SDK1: variants seen among roughly 807,000 people sequenced by gnomAD.
The protein encoded by SDK1 is sidekick cell adhesion molecule 1.
SDK1 carries 157 observed loss-of-function variants against 245.5 expected under a neutral mutation model. The observed-to-expected ratio is 0.64, with a 90% CI of 0.56 to 0.73. SDK1 has a LOEUF of 0.73. Among genes scored for constraint, SDK1 ranks in the 30% least tolerant of loss-of-function variants. The pLI is 0.00. For synonymous variants in SDK1, 1,647 were observed against 1,278.5 expected, an observed-to-expected ratio of 1.29 and a Z score of -6.15; for missense variants, 3,583 against 3,002.3, an observed-to-expected ratio of 1.19 and a Z score of -4.52.
At chr7:3,778,990 C>T (rs998057327) in intron 4 of SDK1, among the ~76,000 whole-genome samples, 1 of 152,182 alleles carries the variant, frequency 6.6e-6, no homozygotes, top group East Asian at 1.9e-4. Context: ...TCCATTGTAG[C>T]AGCAGCTTTT....
intron 32 of SDK1, among the ~76,000 whole-genome samples, chr7:4,167,279 A>G (rs1781556082): frequency 6.6e-6 from 1 of 152,080 alleles, no homozygotes; most frequent in Non-Finnish European, 1.5e-5. Context: ...AGTCCCAGCT[A>G]CTCAGGCTGA....
At chr7:4,219,790 C>A (rs1194478524) in intron 38 of SDK1, among the ~76,000 whole-genome samples, 1 of 148,508 alleles carries the variant, frequency 6.7e-6, no homozygotes, top group Non-Finnish European at 1.5e-5. Flanking sequence ...ATGGCAGGAC[C>A]GCCCCCCTTC....
At chr7:3,365,915 G>A (rs375450986) in intron 1 of SDK1, among the ~76,000 whole-genome samples, 9 of 152,042 alleles carry the variant, frequency 5.9e-5, no homozygotes, top group East Asian at 1.9e-4. Flanking sequence ...GGCGGGCACC[G>A]GTAATCCCAG....
At chr7:3,473,787 AG>A in intron 1 of SDK1, among the ~76,000 whole-genome samples, 1 of 152,248 alleles carries the variant, frequency 6.6e-6, no homozygotes, top group South Asian at 2.1e-4. Context: ...AATAATGTTC[AG>A]GGAGTGTGAT....
chr7:3,910,582 G>C (rs1298028882), intron 5 of SDK1, among the ~76,000 whole-genome samples: 1 of 152,132 alleles, frequency 6.6e-6, no homozygotes, highest in Admixed American at 6.5e-5. Flanking sequence ...GCTTTTACAG[G>C]CCTCTAAGAA....
chr7:3,843,243 T>A (rs1376619632), intron 5 of SDK1, among the ~76,000 whole-genome samples: 1 of 152,204 alleles, frequency 6.6e-6, no homozygotes, highest in East Asian at 1.9e-4. Context: ...CCTCAACTGT[T>A]TGTAAACTTA....
At chr7:4,078,736 T>C (rs1033781948) in intron 21 of SDK1, among the ~76,000 whole-genome samples, 3 of 152,156 alleles carry the variant, frequency 2.0e-5, no homozygotes, top group African/African-American at 7.2e-5. Context: ...GAGATGCTCT[T>C]TGGGGAGCGG....
intron 1 of SDK1, among the ~76,000 whole-genome samples, chr7:3,454,460 G>A (rs914194347): frequency 6.7e-6 from 1 of 148,324 alleles, no homozygotes; most frequent in African/African-American, 2.5e-5. Context: ...TCTGTTACAG[G>A]TGTGGGTTTG....
chr7:3,531,360 G>T (rs1259903458), intron 1 of SDK1, among the ~76,000 whole-genome samples: 1 of 152,170 alleles, frequency 6.6e-6, no homozygotes, highest in African/African-American at 2.4e-5. Flanking sequence ...TTAGTAGTAA[G>T]AAATATGACA....
intron 5 of SDK1, among the ~76,000 whole-genome samples, chr7:3,864,101 T>TTTTTTG (rs537911384): frequency 6.6e-6 from 1 of 150,852 alleles, no homozygotes; most frequent in African/African-American, 2.5e-5. Flanking sequence ...TTAATTTCTG[T>TTTTTTG]TTTTTGTTTT....
intron 1 of SDK1, among the ~76,000 whole-genome samples, chr7:3,505,822 G>C (rs1390122326): frequency 1.3e-5 from 2 of 152,154 alleles, no homozygotes; most frequent in Non-Finnish European, 2.9e-5. Flanking sequence ...CAGGACTTGA[G>C]TATGCTTGGA....
intron 1 of SDK1, among the ~76,000 whole-genome samples, chr7:3,326,380 A>G (rs1043550629): frequency 5.3e-5 from 8 of 152,168 alleles, no homozygotes; most frequent in African/African-American, 9.6e-5. Context: ...ATTATTTTCA[A>G]TGGATGTATG....
At chr7:3,468,077 AATAAAGCAGAGAGAAATC>A (rs1392025374) in intron 1 of SDK1, among the ~76,000 whole-genome samples, 2 of 152,126 alleles carry the variant, frequency 1.3e-5, no homozygotes, top group Admixed American at 6.6e-5. Flanking sequence ...AAATGGAAAA[AATAAAGCAGAGAGAAATC>A]ATAAAGCAGA....
intron 4 of SDK1, among the ~76,000 whole-genome samples, chr7:3,775,041 G>A (rs959272986): frequency 1.3e-5 from 2 of 152,132 alleles, no homozygotes; most frequent in African/African-American, 4.8e-5. Context: ...TCGATGGCAG[G>A]GTCAGCTTTT....
chr7:3,336,838 A>G (rs990622585), intron 1 of SDK1, among the ~76,000 whole-genome samples: 12 of 152,184 alleles, frequency 7.9e-5, no homozygotes, highest in African/African-American at 2.2e-4. Context: ...CAACAAGGCA[A>G]TGTGAGTCAT....
chr7:3,884,486 C>T (rs1444171694), intron 5 of SDK1, among the ~76,000 whole-genome samples: 2 of 152,222 alleles, frequency 1.3e-5, no homozygotes, highest in Non-Finnish European at 2.9e-5. Flanking sequence ...AACTACTTTA[C>T]TCAGTGAGAG....
chr7:3,781,729 TA>T (rs932301782), intron 4 of SDK1, among the ~76,000 whole-genome samples: 172 of 148,890 alleles, frequency 1.2e-3, no homozygotes, highest in South Asian at 2.3e-3. Flanking sequence ...ATAGAAACAA[TA>T]AAAAAAAACA....
intron 1 of SDK1, among the ~76,000 whole-genome samples, chr7:3,340,579 G>GGT (rs2128554165): frequency 6.6e-6 from 1 of 152,152 alleles, no homozygotes; most frequent in East Asian, 1.9e-4. Flanking sequence ...TGGCTAACAC[G>GGT]GTGAAACCCC....
intron 1 of SDK1, among the ~76,000 whole-genome samples, chr7:3,603,714 A>T (rs1326507340): frequency 6.6e-6 from 1 of 152,124 alleles, no homozygotes; most frequent in East Asian, 1.9e-4. Context: ...AACTTCCAAC[A>T]CTATGTTGAA....
Sources: allele counts gnomAD v4.1 joint callset (sites outside exome capture counted in the v4.1 genomes callset), GRCh38; gene constraint gnomAD v4.1.1; transcripts MANE v1.5; gene names NCBI Gene and HGNC (gene_info 2026-07-23, HGNC 2026-07-21).